Variants in BRINP3 observed in about 807,000 individuals in gnomAD.
BRINP3 encodes BMP/retinoic acid inducible neural specific 3.
BRINP3 carries 19 observed loss-of-function variants against 71.0 expected under a neutral mutation model. The observed-to-expected ratio is 0.27, with a 90% CI of 0.19 to 0.39. The LOEUF is 0.39. BRINP3 is among the 10% of genes least tolerant of loss of function. The pLI is 1.00. For synonymous variants in BRINP3, 380 were observed against 337.7 expected (o/e 1.13, Z -1.37); for missense variants, 959 against 940.8 (o/e 1.02, Z -0.25).
intron 2 of BRINP3, among the ~76,000 whole-genome samples, chr1:190,323,746 T>A (rs1203474273): frequency 1.3e-5 from 2 of 151,852 alleles, no homozygotes; most frequent in Non-Finnish European, 2.9e-5. Flanking sequence ...ATGAGATAGG[T>A]GCACAATTAC....
intron 5 of BRINP3, among the ~76,000 whole-genome samples, chr1:190,228,929 T>C (rs1162507335): frequency 1.3e-5 from 2 of 152,020 alleles, no homozygotes; most frequent in African/African-American, 4.8e-5. Context: ...AAAGCCAGGA[T>C]GTGAGGGCAA....
intron 4 of BRINP3, among the ~76,000 whole-genome samples, chr1:190,239,979 A>G (rs1485590735): frequency 6.6e-6 from 1 of 151,678 alleles, no homozygotes; most frequent in East Asian, 1.9e-4. Context: ...TCATCTTAGA[A>G]TACGTCATTT....
intron 7 of BRINP3, among the ~76,000 whole-genome samples, chr1:190,103,638 G>A (rs1253478887): frequency 6.6e-6 from 1 of 152,026 alleles, no homozygotes. Flanking sequence ...TTAAATACCA[G>A]CTAACCATCA....
At chr1:190,458,522 T>C (rs1676162188) in intron 1 of BRINP3, among the ~76,000 whole-genome samples, 2 of 152,072 alleles carry the variant, frequency 1.3e-5, no homozygotes, top group South Asian at 2.1e-4. Context: ...AGTAGATCAT[T>C]GTACATTTAA....
chr1:190,098,060 C>A lies in BRINP3; in HGVS notation c.2259G>T (p.Leu753Phe). 1 of 1,613,630 alleles carries A rather than the reference C, an allele frequency of 6.2e-7. No homozygotes were observed. Residue 753 changes from leucine to phenylalanine, a missense_variant, in exon 8 of 8, where the codon TTG (leucine) becomes TTT (phenylalanine). Coordinates refer to ENST00000367462, the MANE Select transcript of BRINP3 (RefSeq NM_199051.3). Reference sequence around the variant, plus strand: ...TCGTGTCATAATCCATTGTGTTTGGCAATTTGGCATTAAACGCCTGCAGAG... The same window carrying A: ...TCGTGTCATAATCCATTGTGTTTGGAAATTTGGCATTAAACGCCTGCAGAG... ...QSALQAFNAK[L>F]PNTMDYDTTK...
At chr1:190,439,802 A>G (rs1674697829) in intron 2 of BRINP3, among the ~76,000 whole-genome samples, 1 of 152,006 alleles carries the variant, frequency 6.6e-6, no homozygotes, top group African/African-American at 2.4e-5. Flanking sequence ...AATAAATTTT[A>G]TTTCCTATAA....
chr1:190,357,051 C>A (rs1405515382), intron 2 of BRINP3, among the ~76,000 whole-genome samples: 1 of 151,944 alleles, frequency 6.6e-6, no homozygotes. Flanking sequence ...ACTTGGCATA[C>A]TGATGTTCCC....
intron 2 of BRINP3, among the ~76,000 whole-genome samples, chr1:190,315,668 G>A (rs1300360757): frequency 6.6e-6 from 1 of 152,124 alleles, no homozygotes; most frequent in African/African-American, 2.4e-5. Flanking sequence ...ATAGATGTGA[G>A]GAACCAATCC....
chr1:190,471,973 A>G (rs1677166408), intron 1 of BRINP3, among the ~76,000 whole-genome samples: 1 of 151,564 alleles, frequency 6.6e-6, no homozygotes, highest in African/African-American at 2.4e-5. Context: ...ATTTGACACC[A>G]TAACACCACT....
At chr1:190,305,723 T>A (rs925298928) in intron 2 of BRINP3, among the ~76,000 whole-genome samples, 4 of 151,738 alleles carry the variant, frequency 2.6e-5, no homozygotes, top group Non-Finnish European at 5.9e-5. Flanking sequence ...TTTTGAAATA[T>A]ACAGATATTT....
At chr1:190,285,787 A>C (rs1207646261) in intron 2 of BRINP3, among the ~76,000 whole-genome samples, 3 of 151,930 alleles carry the variant, frequency 2.0e-5, no homozygotes, top group African/African-American at 7.3e-5. Flanking sequence ...TCATGCATTC[A>C]TTAAATGTTG....
intron 2 of BRINP3, among the ~76,000 whole-genome samples, chr1:190,422,047 A>G (rs971690216): frequency 6.6e-6 from 1 of 151,934 alleles, no homozygotes; most frequent in Admixed American, 6.6e-5. Context: ...GTATTTCATC[A>G]GATGACTGAA....
At chr1:190,117,296 T>G (rs528645221) in intron 7 of BRINP3, among the ~76,000 whole-genome samples, 8 of 152,138 alleles carry the variant, frequency 5.3e-5, no homozygotes, top group African/African-American at 1.9e-4. Flanking sequence ...TATAAGTATT[T>G]ATTAACTTCC....
intron 7 of BRINP3, among the ~76,000 whole-genome samples, chr1:190,106,401 T>C (rs1652168482): frequency 6.6e-6 from 1 of 151,752 alleles, no homozygotes; most frequent in Admixed American, 6.6e-5. Context: ...TTTATTGCTC[T>C]TAAAATCTCT....
At chr1:190,248,156 T>A (rs1213165422) in intron 4 of BRINP3, among the ~76,000 whole-genome samples, 2 of 151,862 alleles carry the variant, frequency 1.3e-5, no homozygotes, top group African/African-American at 2.4e-5. Flanking sequence ...GTTATTTTAG[T>A]GGGAAATCTG....
intron 4 of BRINP3, among the ~76,000 whole-genome samples, chr1:190,253,409 T>C (rs1054702687): frequency 6.6e-6 from 1 of 152,192 alleles, no homozygotes; most frequent in African/African-American, 2.4e-5. Context: ...AAAGCATTCC[T>C]ATTTCTACAC....
At chr1:190,246,560 A>C (rs1195544813) in intron 4 of BRINP3, among the ~76,000 whole-genome samples, 1 of 152,074 alleles carries the variant, frequency 6.6e-6, no homozygotes, top group Non-Finnish European at 1.5e-5. Flanking sequence ...TAAATATTTC[A>C]ATTTATGTGT....
chr1:190,339,553 A>C (rs1667518574), intron 2 of BRINP3, among the ~76,000 whole-genome samples: 1 of 151,970 alleles, frequency 6.6e-6, no homozygotes, highest in Non-Finnish European at 1.5e-5. Flanking sequence ...CCTGAAGAGG[A>C]GATCTTTTTC....
At chr1:190,108,471 C>A (rs958449474) in intron 7 of BRINP3, among the ~76,000 whole-genome samples, 1 of 151,606 alleles carries the variant, frequency 6.6e-6, no homozygotes, top group African/African-American at 2.4e-5. Flanking sequence ...TCCTGTTTCA[C>A]ATGACTTTGC....
Sources: allele counts gnomAD v4.1 joint callset (sites outside exome capture counted in the v4.1 genomes callset), GRCh38; gene constraint gnomAD v4.1.1; transcripts MANE v1.5; gene names NCBI Gene and HGNC (gene_info 2026-07-23, HGNC 2026-07-21).